CLECL1: variants seen among roughly 807,000 people sequenced by gnomAD.
CLECL1 encodes C-type lectin like 1.
intron 3 of CLECL1, among the ~76,000 whole-genome samples, chr12:9,725,984 G>A (rs1028647349): frequency 2.0e-4 from 30 of 151,880 alleles, no homozygotes; most frequent in African/African-American, 6.5e-4. Flanking sequence ...CCTTAAAAAG[G>A]GCTTCAAGAC....
intron 3 of CLECL1, among the ~76,000 whole-genome samples, chr12:9,725,296 A>G (rs1866365071): frequency 6.6e-6 from 1 of 152,136 alleles, no homozygotes; most frequent in Admixed American, 6.5e-5. Context: ...TCTTCAAAAA[A>G]CATTTGGTCT....
At chr12:9,702,869 T>C in the CLECL1 span, among the ~76,000 whole-genome samples, 2 of 152,228 alleles carry the variant, frequency 1.3e-5, no homozygotes. Context: ...GAAAGTTTTC[T>C]ATTCTGTTCC....
the CLECL1 span, among the ~76,000 whole-genome samples, chr12:9,705,804 T>C: frequency 6.6e-6 from 1 of 152,214 alleles, no homozygotes; most frequent in African/African-American, 2.4e-5. Context: ...ACTGTAGCCT[T>C]GTAGTATAGT....
At chr12:9,723,318 T>C (rs975737203) in intron 3 of CLECL1, among the ~76,000 whole-genome samples, 2 of 152,244 alleles carry the variant, frequency 1.3e-5, no homozygotes, top group African/African-American at 4.8e-5. Flanking sequence ...AAATGTGCTC[T>C]TAACAGCTAG....
At chr12:9,719,793 C>A (rs1429197352), downstream of CLECL1, among the ~76,000 whole-genome samples, 1 of 152,170 alleles carries the variant, frequency 6.6e-6, no homozygotes, top group Non-Finnish European at 1.5e-5. Context: ...CTGTGATTAT[C>A]CTCATTGTTT....
chr12:9,703,803 TTAAGAC>T, the CLECL1 span, among the ~76,000 whole-genome samples: 3 of 152,186 alleles, frequency 2.0e-5, no homozygotes, highest in Admixed American at 6.5e-5. Flanking sequence ...CTTTAAAACT[TTAAGAC>T]AAAGTGTAAA....
downstream of CLECL1, among the ~76,000 whole-genome samples, chr12:9,717,795 A>C (rs942541478): frequency 1.3e-5 from 2 of 152,154 alleles, no homozygotes; most frequent in Non-Finnish European, 1.5e-5. Flanking sequence ...TTAGCTTTAC[A>C]GTAAGACCTG....
chr12:9,715,228 T>A (rs1866225769), downstream of CLECL1, among the ~76,000 whole-genome samples: 1 of 152,226 alleles, frequency 6.6e-6, no homozygotes, highest in Non-Finnish European at 1.5e-5. Flanking sequence ...GCTGCGTAAC[T>A]TTTTTTCTAA....
chr12:9,706,543 G>A, the CLECL1 span, among the ~76,000 whole-genome samples: 1 of 152,142 alleles, frequency 6.6e-6, no homozygotes, highest in Non-Finnish European at 1.5e-5. Flanking sequence ...ACACCAGGTA[G>A]ATTGAGAGTT....
intron 3 of CLECL1, among the ~76,000 whole-genome samples, chr12:9,725,231 A>G (rs73061604): frequency 2.8e-4 from 43 of 152,290 alleles, no homozygotes; most frequent in Admixed American, 6.5e-4. Flanking sequence ...TCAAGGGAGA[A>G]CATAAAAAAT....
chr12:9,722,153 A>G (rs1009193350), downstream of CLECL1, among the ~76,000 whole-genome samples: 24 of 152,232 alleles, frequency 1.6e-4, no homozygotes, highest in Admixed American at 1.4e-3. Context: ...GAAGGTTTAA[A>G]ATAGTGTCCA....
At chr12:9,734,031 T>A (rs1444981490), upstream of CLECL1, among the ~76,000 whole-genome samples, 1 of 152,214 alleles carries the variant, frequency 6.6e-6, no homozygotes, top group East Asian at 1.9e-4. Context: ...GAAACCGTCA[T>A]AGGACATAGA....
intron 1 of CLECL1, among the ~76,000 whole-genome samples, chr12:9,730,296 C>T (rs1227235599): frequency 6.6e-6 from 1 of 152,048 alleles, no homozygotes; most frequent in Non-Finnish European, 1.5e-5. Flanking sequence ...AATAAATAAA[C>T]CAAATAAAAG....
chr12:9,726,726 T>C (rs1866384687), intron 3 of CLECL1, among the ~76,000 whole-genome samples: 1 of 151,988 alleles, frequency 6.6e-6, no homozygotes, highest in African/African-American at 2.4e-5. Flanking sequence ...AGAATAAGGG[T>C]AAGAAAACAG....
At chr12:9,729,296 T>C (rs1325383252) in intron 2 of CLECL1, among the ~76,000 whole-genome samples, 1 of 152,096 alleles carries the variant, frequency 6.6e-6, no homozygotes, top group African/African-American at 2.4e-5. Context: ...GAGACATCTG[T>C]GTATATCCCA....
chr12:9,731,251 G>A (rs994630862), intron 1 of CLECL1, among the ~76,000 whole-genome samples: 2 of 152,066 alleles, frequency 1.3e-5, no homozygotes, highest in African/African-American at 2.4e-5. Context: ...TACATTCATC[G>A]TCTAATGCGA....
the CLECL1 span, among the ~76,000 whole-genome samples, chr12:9,702,986 T>C: frequency 6.6e-6 from 1 of 152,238 alleles, no homozygotes; most frequent in Non-Finnish European, 1.5e-5. Flanking sequence ...ACTTGTTCTA[T>C]AACTAAACTA....
At chr12:9,733,243 C>T (rs370148784), upstream of CLECL1, 4 of 1,609,430 alleles carry the variant, frequency 2.5e-6, no homozygotes, top group Non-Finnish European at 1.7e-6. Flanking sequence ...ACTTGTATGA[C>T]ATGGAAGAAA....
chr12:9,724,219 A>G (rs920167436), intron 3 of CLECL1, among the ~76,000 whole-genome samples: 5 of 151,996 alleles, frequency 3.3e-5, no homozygotes, highest in Non-Finnish European at 5.9e-5. Context: ...AGAAAAAAAA[A>G]GAAAGGAAAA....
Sources: gnomAD v4.1 joint callset for allele counts (sites outside exome capture counted in the v4.1 genomes callset) on GRCh38, gnomAD v4.1.1 for gene constraint, MANE v1.5 for transcripts, NCBI Gene and HGNC (gene_info 2026-07-23, HGNC 2026-07-21) for gene names.